RAP1GAP2: variants seen among roughly 807,000 people sequenced by gnomAD.
The protein encoded by RAP1GAP2 is RAP1 GTPase activating protein 2, also known as rap1 GTPase-activating protein 2.
A neutral mutation model predicts 95.0 loss-of-function variants in RAP1GAP2; 27 were observed. The ratio of observed to expected loss-of-function variants is 0.28; its 90% CI spans 0.21 to 0.39. The LOEUF (loss-of-function observed/expected upper bound fraction) is 0.39, where lower values mean the gene tolerates loss of function less well. Ranked by LOEUF, RAP1GAP2 falls within the 10% of genes least tolerant of loss-of-function variation. RAP1GAP2 has a pLI of 1.00. For missense variants in RAP1GAP2, 771 were observed against 970.0 expected (o/e 0.79, Z 2.72); for synonymous variants, 373 against 380.9 (o/e 0.98, Z 0.24).
intron 3 of RAP1GAP2, among the ~76,000 whole-genome samples, chr17:2,932,584 C>CA (rs71153311): frequency 0.21 from 10,825 of 52,154 alleles, 1,116 homozygotes; most frequent in Non-Finnish European, 0.25. Flanking sequence ...GACTCCATCT[C>CA]AAAAAAAAAA....
At chr17:2,872,031 C>G (rs1282225536) in intron 2 of RAP1GAP2, among the ~76,000 whole-genome samples, 4 of 151,922 alleles carry the variant, frequency 2.6e-5, no homozygotes, top group African/African-American at 4.8e-5. Context: ...CGAGACCAGA[C>G]TAGCCAACAT....
intron 3 of RAP1GAP2, among the ~76,000 whole-genome samples, chr17:2,907,103 C>T (rs2042223563): frequency 6.6e-6 from 1 of 151,830 alleles, no homozygotes; most frequent in Admixed American, 6.6e-5. Context: ...TTTTTTCCCC[C>T]AGTAGTTCTA....
rs1037224766 is a variant in RAP1GAP2, at chr17:2,871,828, A to T, written c.81-33456A>T. On this transcript the variant is annotated intron_variant, in intron 2 of 24. Transcript: ENST00000254695. This position sits in a 1 kb window ranked among gnomAD's most constrained non-coding sequence, Gnocchi z 5.0. ...GTAGAATGAGGTCATTCACGGCAATATTATTTGAAATAGCAAAACACTGGA... is the reference window on the plus strand; with the variant it reads ...GTAGAATGAGGTCATTCACGGCAATTTTATTTGAAATAGCAAAACACTGGA... Among the ~76,000 whole-genome samples the T allele has an allele frequency of 2.0e-5, 3 of 151,686 alleles. No homozygotes were observed. Among genetic ancestry groups the T allele is most frequent in the Non-Finnish European group, 4.4e-5 (3 of 67,768 alleles).
intron 3 of RAP1GAP2, among the ~76,000 whole-genome samples, chr17:2,931,181 G>A (rs1345597443): frequency 2.0e-5 from 3 of 151,776 alleles, no homozygotes; most frequent in African/African-American, 7.3e-5. Context: ...AACTGTTTAT[G>A]GCAGGAGGGT....
In RAP1GAP2 at chr17:2,997,055, G is replaced by A. The variant is rs375037561; in HGVS notation, c.1045-1166G>A. ...CAGTGGTGCGATCATAGCTCACCGC[G>A]GCCTTGAACTTCAGGACAGGGTTAA... On this transcript the variant is annotated intron_variant, in intron 13 of 24. Transcript: ENST00000254695. Among the ~76,000 whole-genome samples, 9 of 152,188 alleles carry A rather than the reference G, an allele frequency of 5.9e-5. No homozygotes were observed. The East Asian group carries it at 1.2e-3, about 20-fold the overall frequency.
At position 2,955,998 on chromosome 17, in the gene RAP1GAP2, C is replaced by T. The variant is rs190426140; in HGVS notation, c.166-1761C>T. On this transcript the variant is annotated intron_variant, in intron 3 of 24. Coordinates refer to ENST00000254695, the MANE Select transcript of RAP1GAP2 (RefSeq NM_015085.5). ...GAGGATGGATTGTTAGACGTGGAAT[C>T]GCGTGTCAGAGGTCCGTGTATTTAA... Among the ~76,000 whole-genome samples, 144 of 152,290 alleles carry T rather than the reference C, an allele frequency of 9.5e-4. 1 individual carries two copies. The South Asian group carries it at 0.028, about 29-fold the overall frequency.
chr17:2,970,722 TG>T (rs1295373394), intron 8 of RAP1GAP2, among the ~76,000 whole-genome samples: 1 of 152,222 alleles, frequency 6.6e-6, no homozygotes, highest in Non-Finnish European at 1.5e-5. Flanking sequence ...CTTTTTAAAT[TG>T]GGCTGTTATT....
chr17:2,851,322 CAT>C (rs779645319), intron 2 of RAP1GAP2, among the ~76,000 whole-genome samples: 10 of 152,138 alleles, frequency 6.6e-5, no homozygotes, highest in Non-Finnish European at 1.5e-4. Flanking sequence ...TAAAGCTGGA[CAT>C]ACTGTACATG....
chr17:2,857,908 T>G lies in RAP1GAP2; in HGVS notation c.81-47376T>G, dbSNP rs572121106. Among the ~76,000 whole-genome samples, 44 of 152,310 alleles carry G rather than the reference T, an allele frequency of 2.9e-4. No individual in the cohort carries two copies. The highest frequency in any genetic ancestry group is 1.0e-3 in the African/African-American group (42 of 41,554). On this transcript the variant is annotated intron_variant, in intron 2 of 24. Transcript: ENST00000254695. The surrounding 1 kb of genome is among the most constrained non-coding windows in gnomAD (Gnocchi z 4.0). ...TGAGGTCAGGAGTTGAAAACCACCC[T>G]GGCCAACATGGCAAAAACCCATCTC...
chr17:3,004,790 G>A lies in RAP1GAP2; in HGVS notation c.1201-579G>A, dbSNP rs958991215. Reference sequence around the variant, plus strand: ...CTACCCTTCCGATTCGGCAGGTTTAGGCCAGAGCCCATGAACCCAGTCTGT... The same window carrying A: ...CTACCCTTCCGATTCGGCAGGTTTAAGCCAGAGCCCATGAACCCAGTCTGT... On this transcript the variant is annotated intron_variant, in intron 14 of 24. Coordinates refer to ENST00000254695, the MANE Select transcript of RAP1GAP2 (RefSeq NM_015085.5). This position sits in a 1 kb window ranked among gnomAD's most constrained non-coding sequence, Gnocchi z 4.1. Among the ~76,000 whole-genome samples, 6 of 152,264 alleles carry A rather than the reference G, an allele frequency of 3.9e-5. No homozygotes were observed. Among genetic ancestry groups the A allele is most frequent in the Non-Finnish European group, 8.8e-5 (6 of 68,052 alleles).
intron 8 of RAP1GAP2, among the ~76,000 whole-genome samples, chr17:2,972,104 G>T (rs956759376): frequency 6.6e-6 from 1 of 152,064 alleles, no homozygotes; most frequent in Non-Finnish European, 1.5e-5. Flanking sequence ...GCCTTTCTAG[G>T]AAAGTATGCC....
intron 2 of RAP1GAP2, among the ~76,000 whole-genome samples, chr17:2,803,253 G>C (rs12936795): frequency 3.9e-5 from 6 of 152,110 alleles, no homozygotes; most frequent in Non-Finnish European, 2.9e-5. Flanking sequence ...AGGCGATATT[G>C]GGATGATAGC....
At chr17:2,770,693 C>T (rs948491872) in intron 2 of RAP1GAP2, among the ~76,000 whole-genome samples, 1 of 152,258 alleles carries the variant, frequency 6.6e-6, no homozygotes, top group Admixed American at 6.5e-5. Context: ...CTTTCCCTGA[C>T]TTCTCTTGGG....
At chr17:2,948,095 G>A (rs765509400) in intron 3 of RAP1GAP2, among the ~76,000 whole-genome samples, 4 of 152,206 alleles carry the variant, frequency 2.6e-5, no homozygotes, top group African/African-American at 7.2e-5. Flanking sequence ...CTCATTGAGC[G>A]ACCTGTGTGC....
intron 2 of RAP1GAP2, among the ~76,000 whole-genome samples, chr17:2,865,627 G>A (rs2072585889): frequency 6.6e-6 from 1 of 152,182 alleles, no homozygotes; most frequent in African/African-American, 2.4e-5. Context: ...CACTGAAACA[G>A]GCCATCTGAA....
chr17:2,994,840 T>C (rs974748615), intron 12 of RAP1GAP2, among the ~76,000 whole-genome samples: 4 of 152,194 alleles, frequency 2.6e-5, no homozygotes, highest in African/African-American at 9.6e-5. Context: ...ATTGATGGAG[T>C]CTTGCTCTTG....
chr17:2,888,723 C>G (rs2073586217), intron 2 of RAP1GAP2, among the ~76,000 whole-genome samples: 1 of 143,920 alleles, frequency 6.9e-6, no homozygotes, highest in African/African-American at 2.6e-5. Context: ...GCGATCTCAG[C>G]TTGCTGCAAC....
intron 2 of RAP1GAP2, among the ~76,000 whole-genome samples, chr17:2,880,776 G>A (rs995430601): frequency 5.9e-5 from 9 of 151,956 alleles, no homozygotes; most frequent in African/African-American, 1.9e-4. Context: ...TTTGGATTTT[G>A]CTGTATTTCC....
chr17:2,861,774 C>G (rs961424826), intron 2 of RAP1GAP2, among the ~76,000 whole-genome samples: 3 of 152,140 alleles, frequency 2.0e-5, no homozygotes, highest in Admixed American at 2.0e-4. Flanking sequence ...GCCCTCCTCC[C>G]GTGCTGAGTA....
Sources: gnomAD v4.1 joint callset for allele counts (sites outside exome capture counted in the v4.1 genomes callset) on GRCh38, gnomAD v4.1.1 for gene constraint, Gnocchi (gnomAD v3.1) non-coding constraint, MANE v1.5 for transcripts, NCBI Gene and HGNC (gene_info 2026-07-23, HGNC 2026-07-21) for gene names.